The following CNTN4 variants were observed in gnomAD, a reference collection of about 807,000 sequenced individuals.
CNTN4 encodes the protein contactin 4.
A neutral mutation model predicts 122.5 loss-of-function variants in CNTN4; 77 were observed. That is an observed-to-expected ratio of 0.63 (90% CI 0.52 to 0.76). CNTN4 has a LOEUF of 0.76. CNTN4 is among the 30% of genes least tolerant of loss of function. The pLI, the probability that CNTN4 is intolerant of heterozygous loss-of-function variation, is 0.00. For missense variants in CNTN4, 1,256 were observed against 1,259.1 expected (o/e 1.00, Z 0.04); for synonymous variants, 512 against 447.0 (o/e 1.15, Z -1.83).
chr3:2,455,126 A>G (rs146489547), intron 3 of CNTN4, among the ~76,000 whole-genome samples: 1 of 152,292 alleles, frequency 6.6e-6, no homozygotes, highest in Non-Finnish European at 1.5e-5. Flanking sequence ...TGAGACCCAC[A>G]TAAAGGTAGG....
chr3:2,458,042 C>A (rs144045130), intron 3 of CNTN4, among the ~76,000 whole-genome samples: 227 of 152,224 alleles, frequency 1.5e-3, no homozygotes, highest in Non-Finnish European at 2.5e-3. Context: ...GTCTGTGGAA[C>A]CACAGCTTCA....
chr3:2,834,303 G>A (rs988093944), intron 7 of CNTN4, among the ~76,000 whole-genome samples: 2 of 151,844 alleles, frequency 1.3e-5, no homozygotes, highest in East Asian at 2.0e-4. Flanking sequence ...AGTGGCTCAC[G>A]CCTGTAATCC....
intron 3 of CNTN4, among the ~76,000 whole-genome samples, chr3:2,444,255 C>T (rs2048540872): frequency 6.8e-6 from 1 of 148,006 alleles, no homozygotes; most frequent in African/African-American, 2.5e-5. Flanking sequence ...AATAGAACAT[C>T]AGGTAATGAA....
At chr3:2,784,682 G>A (rs1450272279) in intron 6 of CNTN4, among the ~76,000 whole-genome samples, 2 of 152,150 alleles carry the variant, frequency 1.3e-5, no homozygotes, top group Non-Finnish European at 2.9e-5. Context: ...GAGTTGTGGT[G>A]GCCGACCTGG....
chr3:2,626,790 T>C (rs2082207041), intron 4 of CNTN4, among the ~76,000 whole-genome samples: 1 of 152,196 alleles, frequency 6.6e-6, no homozygotes, highest in South Asian at 2.1e-4. Flanking sequence ...ATGAGTCTGT[T>C]TTCTTAGTCA....
intron 2 of CNTN4, among the ~76,000 whole-genome samples, chr3:2,105,117 G>A (rs965247436): frequency 6.6e-6 from 1 of 152,136 alleles, no homozygotes; most frequent in African/African-American, 2.4e-5. Context: ...CTCTAGTTGG[G>A]CTCCATGTAT....
chr3:2,928,402 T>C (rs535470760), intron 13 of CNTN4, among the ~76,000 whole-genome samples: 10 of 152,086 alleles, frequency 6.6e-5, no homozygotes, highest in Non-Finnish European at 1.3e-4. Flanking sequence ...AGAGGGAAAA[T>C]TAAGTGGATG....
chr3:2,170,829 A>G (rs1046167183), intron 2 of CNTN4, among the ~76,000 whole-genome samples: 4 of 152,222 alleles, frequency 2.6e-5, no homozygotes, highest in Non-Finnish European at 5.9e-5. Flanking sequence ...AACCGTAGTT[A>G]TAAATTTAAG....
chr3:2,840,082 T>C lies in CNTN4; in HGVS notation c.454+20501T>C, dbSNP rs1201953179. Among the ~76,000 whole-genome samples the C allele has an allele frequency of 2.6e-5, 4 of 152,148 alleles. No homozygotes were observed. In the East Asian group the frequency reaches 7.8e-4, roughly 30 times the overall value. On this transcript the variant is annotated intron_variant, in intron 7 of 24. Transcript: ENST00000418658. ...CCAGGTCAAGCCTCCTCATTATGAG[T>C]CACCACACTCAGGGAAGCCCAACCC...
At chr3:2,497,100 C>G (rs1396373401) in intron 3 of CNTN4, among the ~76,000 whole-genome samples, 1 of 152,160 alleles carries the variant, frequency 6.6e-6, no homozygotes, top group Non-Finnish European at 1.5e-5. Context: ...CAGAGACACC[C>G]AAAAATGTTT....
chr3:2,434,205 G>C (rs1166104810), intron 3 of CNTN4, among the ~76,000 whole-genome samples: 1 of 152,116 alleles, frequency 6.6e-6, no homozygotes, highest in African/African-American at 2.4e-5. Flanking sequence ...TTGTTCATTA[G>C]CCTGATTTAA....
intron 6 of CNTN4, among the ~76,000 whole-genome samples, chr3:2,751,058 T>G (rs1262298857): frequency 6.6e-6 from 1 of 152,044 alleles, no homozygotes; most frequent in Non-Finnish European, 1.5e-5. Flanking sequence ...TTCCAGCCCT[T>G]TGGGAGGCCG....
At chr3:2,448,212 G>A (rs544474757) in intron 3 of CNTN4, among the ~76,000 whole-genome samples, 9 of 152,312 alleles carry the variant, frequency 5.9e-5, no homozygotes, top group Admixed American at 2.0e-4. Context: ...TGTGGGGCAC[G>A]CAAGAGAAAG....
At chr3:2,246,602 T>C (rs1329453102) in intron 2 of CNTN4, among the ~76,000 whole-genome samples, 1 of 151,982 alleles carries the variant, frequency 6.6e-6, no homozygotes, top group Non-Finnish European at 1.5e-5. Context: ...ATTACACATA[T>C]TGGCAGCAAT....
At chr3:2,702,858 G>A (rs2086437399) in intron 4 of CNTN4, among the ~76,000 whole-genome samples, 1 of 152,184 alleles carries the variant, frequency 6.6e-6, no homozygotes, top group Non-Finnish European at 1.5e-5. Context: ...GATTTCTTTT[G>A]TAGTTTGTTC....
At chr3:2,260,732 A>ATT (rs3077120) in intron 2 of CNTN4, among the ~76,000 whole-genome samples, 75,856 of 147,074 alleles carry the variant, frequency 0.52, 19,820 homozygotes, top group South Asian at 0.64. Flanking sequence ...TTATTTATTT[A>ATT]TTTTTTTTTT....
chr3:2,328,792 A>T (rs968295195), intron 2 of CNTN4, among the ~76,000 whole-genome samples: 1 of 152,176 alleles, frequency 6.6e-6, no homozygotes, highest in Non-Finnish European at 1.5e-5. Flanking sequence ...GAGGGTGTGC[A>T]GGAGTCACAT....
chr3:2,548,489 G>A (rs577501414), intron 3 of CNTN4, among the ~76,000 whole-genome samples: 1 of 152,200 alleles, frequency 6.6e-6, no homozygotes, highest in African/African-American at 2.4e-5. Flanking sequence ...GGTTGTAGAT[G>A]TGTGGTATTA....
chr3:2,971,208 T>G (rs966872070), intron 13 of CNTN4, among the ~76,000 whole-genome samples: 1 of 152,256 alleles, frequency 6.6e-6, no homozygotes, highest in Non-Finnish European at 1.5e-5. Context: ...ATCCTCATCC[T>G]CTTCAAGTTG....
Sources: gnomAD v4.1 joint callset for allele counts (sites outside exome capture counted in the v4.1 genomes callset) on GRCh38, gnomAD v4.1.1 for gene constraint, MANE v1.5 for transcripts, NCBI Gene and HGNC (gene_info 2026-07-23, HGNC 2026-07-21) for gene names.